The following ELF2 variants were observed in gnomAD, a reference collection of about 807,000 sequenced individuals.
The protein encoded by ELF2 is E74 like ETS transcription factor 2, also known as ETS-related transcription factor Elf-2.
ELF2 carries 11 observed loss-of-function variants against 54.8 expected under a neutral mutation model. The ratio of observed to expected loss-of-function variants is 0.20; its 90% CI spans 0.13 to 0.33. The LOEUF is 0.33. Ranked by LOEUF, ELF2 falls within the 10% of genes least tolerant of loss-of-function variation. The pLI is 1.00. For missense variants in ELF2, 513 were observed against 703.0 expected (o/e 0.73, Z 3.06); for synonymous variants, 203 against 245.1 (o/e 0.83, Z 1.61).
chr4:139,136,688 G>T (rs1376417494), intron 3 of ELF2: 1 of 136,858 alleles, frequency 7.3e-6, no homozygotes. Flanking sequence ...TTTTTGAGAC[G>T]GAGTCTCGCT....
At chr4:139,064,170 T>C (rs939301838) in intron 7 of ELF2, among the ~76,000 whole-genome samples, 10 of 152,124 alleles carry the variant, frequency 6.6e-5, no homozygotes, top group Non-Finnish European at 1.0e-4. Flanking sequence ...TAGCCAGGCA[T>C]GATGGCGGGT....
At chr4:139,123,178 G>C (rs1000146697) in intron 4 of ELF2, among the ~76,000 whole-genome samples, 2 of 143,388 alleles carry the variant, frequency 1.4e-5, no homozygotes, top group African/African-American at 5.2e-5. Context: ...GCGAGACTCT[G>C]TCTCAAAAAA....
chr4:139,115,321 C>G, intron 4 of ELF2: 1 of 1,512,958 alleles, frequency 6.6e-7, no homozygotes, highest in Admixed American at 2.3e-5. Context: ...CACTGCCCGG[C>G]CCGGGGGCCG....
chr4:139,132,856 A>ATG (rs1390747463), intron 3 of ELF2, among the ~76,000 whole-genome samples: 1 of 138,054 alleles, frequency 7.2e-6, no homozygotes, highest in East Asian at 2.1e-4. Context: ...ATATATATAT[A>ATG]TATATATATA....
At chr4:139,132,486 GATCT>G (rs1321115752) in intron 3 of ELF2, among the ~76,000 whole-genome samples, 1 of 151,942 alleles carries the variant, frequency 6.6e-6, no homozygotes, top group Non-Finnish European at 1.5e-5. Flanking sequence ...GGCAACCACT[GATCT>G]ATCCCTATAG....
At position 139,115,321 on chromosome 4, in the gene ELF2, C is replaced by T; in HGVS notation, c.238+9843G>A. 2.6e-6 allele frequency: 4 copies of T among 1,512,958 alleles called. No homozygotes were observed. The Admixed American group carries it at 9.3e-5, about 35-fold the overall frequency. 93.7% of individuals were successfully genotyped at this position (1,512,958 alleles called of 1,614,324 possible). A position where few individuals can be genotyped will look rare whatever the true frequency, so the allele number is the denominator to read the frequency against. ...GTGGTCCTGGGCCGCCACTGCCCGG[C>T]CCGGGGGCCGGGGTCGCCAACGCCG... On this transcript the variant is annotated intron_variant, in intron 4 of 9. Transcript: ENST00000686138.
In ELF2 at chr4:139,125,295, A is replaced by T. The variant is rs753069996; in HGVS notation, c.107T>A (p.Ile36Asn). The change falls in exon 4 of 10, where the codon ATT (isoleucine) becomes AAT (asparagine). Residue 36 changes from isoleucine (I) to asparagine (N), a missense_variant. Ile to Asn is a moderately radical substitution (Grantham distance 149, BLOSUM62 -3). Around this residue, in one of 3 missense-constraint regions of ELF2, gnomAD observed 203 missense variants for 245.9 expected, o/e 0.83. Coordinates refer to ENST00000686138, the MANE Select transcript of ELF2 (RefSeq NM_001331036.3). ...TCTGGCACTTGGAACTGGCTCCACA[A>T]TCACTGCTGGATATTCAGAAACCTT... ...SEKVSEYPAV[I>N]VEPVPSARLE... The T allele has an allele frequency of 6.2e-7, 1 of 1,613,486 alleles. No individual in the cohort carries two copies. The highest frequency in any genetic ancestry group is 8.5e-7 in the Non-Finnish European group (1 of 1,179,876).
intron 1 of ELF2, among the ~76,000 whole-genome samples, chr4:139,171,945 C>T (rs1288451646): frequency 6.6e-6 from 1 of 152,142 alleles, no homozygotes; most frequent in Admixed American, 6.6e-5. Context: ...TCCATTAGAA[C>T]AGCTATAATT....
chr4:139,142,218 T>A (rs886897636), intron 1 of ELF2, among the ~76,000 whole-genome samples: 2 of 152,188 alleles, frequency 1.3e-5, no homozygotes, highest in African/African-American at 4.8e-5. Flanking sequence ...AGTGGTCAGA[T>A]AAGGACTCAC....
intron 1 of ELF2, among the ~76,000 whole-genome samples, chr4:139,176,215 T>C (rs751052894): frequency 3.5e-4 from 53 of 152,184 alleles, no homozygotes; most frequent in Non-Finnish European, 5.4e-4. Flanking sequence ...AGAAACAGAT[T>C]CCGATCCGAG....
chr4:139,092,045 C>A (rs1367102228), intron 4 of ELF2, among the ~76,000 whole-genome samples: 2 of 149,286 alleles, frequency 1.3e-5, no homozygotes, highest in African/African-American at 4.9e-5. Flanking sequence ...GGGAAATAAC[C>A]ACAGATACAA....
intron 1 of ELF2, among the ~76,000 whole-genome samples, chr4:139,142,819 A>G (rs961548810): frequency 5.9e-5 from 9 of 151,614 alleles, no homozygotes; most frequent in African/African-American, 2.2e-4. Flanking sequence ...GTGATCCAAG[A>G]TCTCTCTACT....
At chr4:139,103,180 T>TTGTGAAATATG (rs1403579602) in intron 4 of ELF2, among the ~76,000 whole-genome samples, 2 of 152,246 alleles carry the variant, frequency 1.3e-5, no homozygotes, top group Non-Finnish European at 2.9e-5. Flanking sequence ...AGCTGTGATA[T>TTGTGAAATATG]TGTGAAATAT....
chr4:139,125,291 C>T lies in ELF2; in HGVS notation c.111G>A (p.Val37=). The stretch of plus-strand genomic sequence containing the variant: ...CTAATCTGGCACTTGGAACTGGCTC[C>T]ACAATCACTGCTGGATATTCAGAAA... ...EKVSEYPAVI[V]EPVPSARLEQ... The change falls in exon 4 of 10, where the codon GTG becomes GTA. Residue 37 remains valine, a synonymous_variant. Transcript: ENST00000686138. 1.2e-6 allele frequency: 2 copies of T among 1,613,488 alleles called. No individual in the cohort carries two copies. Among genetic ancestry groups the T allele is most frequent in the South Asian group, 1.1e-5 (1 of 90,988 alleles).
At chr4:139,174,072 A>G (rs904469042) in intron 1 of ELF2, among the ~76,000 whole-genome samples, 3 of 151,392 alleles carry the variant, frequency 2.0e-5, no homozygotes, top group Middle Eastern at 3.2e-3. Context: ...AAATACAAAA[A>G]AAAAAAAAAA....
chr4:139,092,368 ATAACG>A (rs201164823), intron 4 of ELF2, among the ~76,000 whole-genome samples: 3,025 of 68,664 alleles, frequency 0.044, 112 homozygotes, highest in Admixed American at 0.055. Context: ...CTCAGAAATC[ATAACG>A]TAACATAACA....
chr4:139,110,730 C>G (rs1408791655), intron 4 of ELF2, among the ~76,000 whole-genome samples: 1 of 152,122 alleles, frequency 6.6e-6, no homozygotes, highest in Admixed American at 6.6e-5. Context: ...GAATCTTTAT[C>G]TAAATCCCTA....
chr4:139,086,657 A>G (rs189942287), intron 4 of ELF2, among the ~76,000 whole-genome samples: 2 of 152,320 alleles, frequency 1.3e-5, no homozygotes, highest in African/African-American at 4.8e-5. Flanking sequence ...GTAGCACTAA[A>G]TTATATAACA....
intron 1 of ELF2, among the ~76,000 whole-genome samples, chr4:139,148,913 C>T (rs527735415): frequency 2.8e-4 from 43 of 152,256 alleles, no homozygotes; most frequent in African/African-American, 9.4e-4. Flanking sequence ...ATTTGTTATG[C>T]AGCAATAGGT....
Sources: allele counts gnomAD v4.1 joint callset (sites outside exome capture counted in the v4.1 genomes callset), GRCh38; gene constraint gnomAD v4.1.1; regional missense constraint gnomAD v4.1.1; transcripts MANE v1.5; gene names NCBI Gene and HGNC (gene_info 2026-07-23, HGNC 2026-07-21).